ADH5: variants seen among roughly 807,000 people sequenced by gnomAD.
ADH5 encodes alcohol dehydrogenase 5 (class III), chi polypeptide, also known as alcohol dehydrogenase class-3.
Under a neutral mutation model 40.3 loss-of-function variants are expected in ADH5, and 32 were observed. The observed-to-expected ratio is 0.79, with a 90% CI of 0.60 to 1.07. The LOEUF (loss-of-function observed/expected upper bound fraction) is 1.07. ADH5 is among the 50% of genes least tolerant of loss of function. The probability of loss-of-function intolerance (pLI) is 0.00; values close to 1 mark genes in which losing one functional copy is unlikely to be tolerated. For synonymous variants in ADH5, 125 were observed against 154.3 expected (o/e 0.81, Z 1.41); for missense variants, 353 against 460.5 (o/e 0.77, Z 2.14).
chr4:99,077,151 G>C (rs980085672), intron 4 of ADH5, among the ~76,000 whole-genome samples: 1 of 152,032 alleles, frequency 6.6e-6, no homozygotes, highest in African/African-American at 2.4e-5. Flanking sequence ...TATCCTTCTA[G>C]ATCATACTGT....
intron 2 of ADH5, among the ~76,000 whole-genome samples, chr4:99,083,589 A>G (rs572521805): frequency 1.4e-5 from 2 of 140,694 alleles, no homozygotes; most frequent in South Asian, 2.6e-4. Flanking sequence ...GACAGAGTGA[A>G]ACTCTGTCTC....
intron 4 of ADH5, among the ~76,000 whole-genome samples, chr4:99,078,665 G>A (rs565459184): frequency 6.6e-6 from 1 of 152,322 alleles, no homozygotes; most frequent in South Asian, 2.1e-4. Flanking sequence ...GCCTCTCAAA[G>A]GGCTGGGATT....
intron 4 of ADH5, among the ~76,000 whole-genome samples, chr4:99,078,948 T>C (rs907775522): frequency 9.2e-5 from 14 of 152,256 alleles, no homozygotes; most frequent in African/African-American, 2.7e-4. Flanking sequence ...TTTTTGTTTT[T>C]GGTTCTGGTT....
chr4:99,088,585 C>T, intron 1 of ADH5, 104 bp downstream of exon 1: 1 of 1,240,040 alleles, frequency 8.1e-7, no homozygotes. Flanking sequence ...GAGCCAGATC[C>T]CGTCTTGGGC....
chr4:99,072,214 T>C lies in ADH5; in HGVS notation c.*203A>G, dbSNP rs895541930. 3 of 462,646 alleles carry C rather than the reference T, an allele frequency of 6.5e-6. No homozygotes were observed. Among genetic ancestry groups the C allele is most frequent in the Non-Finnish European group, 1.2e-5 (3 of 255,194 alleles). The allele number at this position is 462,646 out of a possible 1,614,324, so 28.7% of individuals were successfully genotyped here. The stretch of plus-strand genomic sequence containing the variant: ...TCCTTAATAAACTAGCAATTATTTA[T>C]GTGGAGGAGCATCCAGAAAACAGGT... On this transcript the variant is annotated 3_prime_UTR_variant, in exon 9 of 9. Coordinates refer to ENST00000296412, the MANE Select transcript of ADH5 (RefSeq NM_000671.4).
intron 7 of ADH5, 114 bp downstream of exon 7, chr4:99,074,800 G>A: frequency 8.0e-7 from 1 of 1,245,058 alleles, no homozygotes; most frequent in Non-Finnish European, 1.1e-6. Flanking sequence ...CTTATAATGA[G>A]AAGGAACTCA....
chr4:99,080,243 C>T (rs1383378450), intron 4 of ADH5, among the ~76,000 whole-genome samples: 1 of 152,156 alleles, frequency 6.6e-6, no homozygotes, highest in African/African-American at 2.4e-5. Flanking sequence ...AGCAGATAAC[C>T]TCAACTCTTC....
Position 99,077,781 on chromosome 4 carries a change from T to C in ADH5, c.345-858A>G, listed in dbSNP as rs113751915. ...AAAAAGCTTACAAAGGCCACTGATA[T>C]AATAAATGGTAACAAAAATTACTTT... On this transcript the variant is annotated intron_variant, in intron 4 of 8. Coordinates refer to ENST00000296412, the MANE Select transcript of ADH5 (RefSeq NM_000671.4). Among the ~76,000 whole-genome samples, 1,041 of 152,354 alleles carry C rather than the reference T, an allele frequency of 6.8e-3. 7 individuals carry two copies. The highest frequency in any genetic ancestry group is 0.023 in the African/African-American group (957 of 41,588).
chr4:99,076,908 T>C lies in ADH5; in HGVS notation c.360A>G (p.Lys120=), dbSNP rs1246910784. Residue 120 remains lysine (K), a synonymous_variant, in exon 5 of 9, where the codon AAA becomes AAG. Transcript: ENST00000296412. ...LCQKIRVTQG[K]GLMPDGTSRF... is the part of the protein sequence containing the mutation. ...TGCTGGTACCATCTGGCATTAATCC[T>C]TTCCCTTGAGTGACTCTAAAGAAAA... 1 of 1,613,058 alleles carries C rather than the reference T, an allele frequency of 6.2e-7. No individual in the cohort carries two copies. The highest frequency in any genetic ancestry group is 1.1e-5 in the South Asian group (1 of 90,830).
chr4:99,072,822 A>G (rs1727858451), intron 7 of ADH5, 111 bp from the exon 8 acceptor site: 3 of 937,054 alleles, frequency 3.2e-6, no homozygotes, highest in Non-Finnish European at 4.9e-6. Flanking sequence ...GTTAAAGAGT[A>G]ATGAGAAACT....
chr4:99,078,573 T>A (rs966666309), intron 4 of ADH5, among the ~76,000 whole-genome samples: 1 of 152,148 alleles, frequency 6.6e-6, no homozygotes, highest in Non-Finnish European at 1.5e-5. Flanking sequence ...GCTAATTTTT[T>A]AAATTTTTTA....
intron 6 of ADH5, 49 bp from the exon 7 acceptor site, chr4:99,075,098 T>C (rs767752183): frequency 7.0e-7 from 1 of 1,436,024 alleles, no homozygotes; most frequent in South Asian, 1.7e-5. Flanking sequence ...TGCATTTTCC[T>C]GAGAACAACT....
chr4:99,081,294 C>T (rs1728020332), intron 4 of ADH5, 71 bp downstream of exon 4: 2 of 1,001,526 alleles, frequency 2.0e-6, no homozygotes, highest in Admixed American at 4.2e-5. Flanking sequence ...CTCCTCAACC[C>T]CTCGGTCTCT....
At chr4:99,074,456 C>A (rs1159140045) in intron 7 of ADH5, among the ~76,000 whole-genome samples, 1 of 152,162 alleles carries the variant, frequency 6.6e-6, no homozygotes. Flanking sequence ...GTTTGAGACT[C>A]AATATTGGTT....
Position 99,081,812 on chromosome 4 carries a change from A to C in ADH5, c.256+163T>G, listed in dbSNP as rs570868677. 1.0e-5 allele frequency: 8 copies of C among 788,612 alleles called. No individual in the cohort carries two copies. The Admixed American group carries it at 2.3e-4, about 22-fold the overall frequency. The allele number at this position is 788,612 out of a possible 1,614,324, so 48.9% of individuals were successfully genotyped here. On this transcript the variant is annotated intron_variant, in intron 3 of 8. Coordinates refer to ENST00000296412, the MANE Select transcript of ADH5 (RefSeq NM_000671.4). ...TAGTCTGCAAAATCAGAGAGAAAAA[A>C]ATATCCAAATATTTGTGCTTCCCAG...
At chr4:99,074,240 T>G (rs920752159) in intron 7 of ADH5, among the ~76,000 whole-genome samples, 2 of 152,190 alleles carry the variant, frequency 1.3e-5, no homozygotes, top group Admixed American at 1.3e-4. Flanking sequence ...TTAAAAACTT[T>G]AGACTCATTC....
At chr4:99,076,182 ATTC>A (rs1043263606) in intron 6 of ADH5, 107 bp downstream of exon 6, 10 of 1,153,170 alleles carry the variant, frequency 8.7e-6, no homozygotes, top group Non-Finnish European at 1.1e-5. Context: ...CACTAGAAAA[ATTC>A]TTATTAAGAG....
At position 99,088,759 on chromosome 4, in the gene ADH5, G is replaced by C. The variant is rs1011639114; in HGVS notation, c.-59C>G. The C allele has an allele frequency of 1.1e-5, 17 of 1,566,670 alleles. No individual in the cohort carries two copies. Among genetic ancestry groups the C allele is most frequent in the Non-Finnish European group, 1.5e-5 (17 of 1,155,128 alleles). ...ATCCGGGGTGGGCCGCGCAGCGACG[G>C]AGGCATGGGCGTGGCGAGCGCCTAG... is the stretch of plus-strand genomic sequence containing the variant. On this transcript the variant is annotated 5_prime_UTR_variant, in exon 1 of 9. Transcript: ENST00000296412.
intron 1 of ADH5, among the ~76,000 whole-genome samples, chr4:99,086,856 C>T (rs1042641796): frequency 3.0e-5 from 4 of 134,722 alleles, no homozygotes; most frequent in Non-Finnish European, 6.1e-5. Flanking sequence ...AGGAGAACGG[C>T]GTGAACCCAG....
Sources: allele counts gnomAD v4.1 joint callset (sites outside exome capture counted in the v4.1 genomes callset), GRCh38; gene constraint gnomAD v4.1.1; transcripts MANE v1.5; gene names NCBI Gene and HGNC (gene_info 2026-07-23, HGNC 2026-07-21).